The following UMAD1 variants were observed in gnomAD, a reference collection of about 807,000 sequenced individuals.
UMAD1 encodes the protein UBAP1-MVB12-associated (UMA)-domain containing protein 1.
In UMAD1, 8 loss-of-function variants were observed where a neutral mutation model predicts 6.1. That is an observed-to-expected ratio of 1.30 (90% CI 0.76 to 2.35). UMAD1 has a LOEUF of 2.35. Among genes scored for constraint, UMAD1 ranks in the 30% most tolerant of loss-of-function variants. The pLI is 0.00. For missense variants in UMAD1, 130 were observed against 78.4 expected, an observed-to-expected ratio of 1.66 and a Z score of -2.49; for synonymous variants, 56 against 31.4, an observed-to-expected ratio of 1.78 and a Z score of -2.61.
At chr7:7,742,669 A>G (rs982911368) in intron 2 of UMAD1, 1 of 270,626 alleles carries the variant, frequency 3.7e-6, no homozygotes, top group Non-Finnish European at 7.4e-6. Flanking sequence ...ATGATTGCCA[A>G]CTAAGAATAA....
chr7:7,753,648 C>A (rs1293361684), intron 2 of UMAD1, among the ~76,000 whole-genome samples: 1 of 152,052 alleles, frequency 6.6e-6, no homozygotes, highest in Non-Finnish European at 1.5e-5. Context: ...TGTATAAATA[C>A]CACGTTTTCT....
chr7:7,848,883 A>G (rs1314127757), intron 3 of UMAD1, among the ~76,000 whole-genome samples: 2 of 152,122 alleles, frequency 1.3e-5, no homozygotes, highest in African/African-American at 4.8e-5. Context: ...TACTTTCTCA[A>G]TTTGCAAGGA....
chr7:7,834,084 G>A (rs535569331), intron 3 of UMAD1, among the ~76,000 whole-genome samples: 17 of 141,744 alleles, frequency 1.2e-4, no homozygotes, highest in African/African-American at 3.8e-4. Flanking sequence ...GTGCAATGGC[G>A]TGATCTCAGC....
intron 3 of UMAD1, among the ~76,000 whole-genome samples, chr7:7,862,243 C>G (rs1162220341): frequency 1.3e-5 from 2 of 151,868 alleles, no homozygotes; most frequent in Non-Finnish European, 2.9e-5. Flanking sequence ...TTTATATTTT[C>G]TTACCAGGTT....
chr7:7,813,415 A>C (rs1167705106), intron 3 of UMAD1, among the ~76,000 whole-genome samples: 1 of 152,168 alleles, frequency 6.6e-6, no homozygotes, highest in African/African-American at 2.4e-5. Context: ...CGTATCGGCC[A>C]GGCTGGTCTC....
intron 3 of UMAD1, among the ~76,000 whole-genome samples, chr7:7,867,317 T>TG (rs1784251027): frequency 6.6e-6 from 1 of 152,160 alleles, no homozygotes; most frequent in Non-Finnish European, 1.5e-5. Context: ...ATATTACTTT[T>TG]GGGGGAGTGG....
chr7:7,705,335 C>T (rs1780570975), intron 2 of UMAD1, among the ~76,000 whole-genome samples: 1 of 152,154 alleles, frequency 6.6e-6, no homozygotes. Flanking sequence ...AATGTTTAAT[C>T]ATAATAACCA....
In UMAD1 at chr7:7,820,554, C is replaced by G. The variant is rs180791343; in HGVS notation, c.156+18811C>G. 6.7e-3 allele frequency among the ~76,000 whole-genome samples: 1,014 copies of G among 152,214 alleles called. 8 individuals are homozygous for G. Among genetic ancestry groups the G allele is most frequent in the African/African-American group, 0.023 (967 of 41,524 alleles). Reference sequence around the variant, plus strand: ...ATTGAATACTGGCACCTCTCTGTCACTTATGTTTTGCTAATGATCATCTAT... The same window carrying G: ...ATTGAATACTGGCACCTCTCTGTCAGTTATGTTTTGCTAATGATCATCTAT... On this transcript the variant is annotated intron_variant, in intron 3 of 3. Transcript: ENST00000682710.
intron 2 of UMAD1, among the ~76,000 whole-genome samples, chr7:7,737,245 T>G (rs927095362): frequency 2.6e-5 from 4 of 152,252 alleles, no homozygotes; most frequent in Non-Finnish European, 5.9e-5. Flanking sequence ...GGTGAGTTAA[T>G]TAACCTCTCT....
At chr7:7,757,513 A>G (rs917328998) in intron 2 of UMAD1, among the ~76,000 whole-genome samples, 1 of 152,224 alleles carries the variant, frequency 6.6e-6, no homozygotes, top group Non-Finnish European at 1.5e-5. Context: ...TAAGCTACCA[A>G]AGTAAAGCTA....
At chr7:7,668,446 T>C (rs968396791) in intron 1 of UMAD1, among the ~76,000 whole-genome samples, 3 of 152,186 alleles carry the variant, frequency 2.0e-5, no homozygotes, top group African/African-American at 4.8e-5. Flanking sequence ...TTTATTACTA[T>C]ATATTGTTAT....
intron 3 of UMAD1, among the ~76,000 whole-genome samples, chr7:7,819,367 T>G (rs1783198279): frequency 6.6e-6 from 1 of 152,218 alleles, no homozygotes; most frequent in African/African-American, 2.4e-5. Context: ...TTGTTTATAT[T>G]ACGCTGTATC....
chr7:7,655,169 G>A (rs1415023765), intron 1 of UMAD1, among the ~76,000 whole-genome samples: 2 of 152,074 alleles, frequency 1.3e-5, no homozygotes, highest in African/African-American at 2.4e-5. Flanking sequence ...ATCAAATGAT[G>A]CCTCTGGCCT....
chr7:7,817,427 T>C (rs1392725927), intron 3 of UMAD1, among the ~76,000 whole-genome samples: 2 of 152,242 alleles, frequency 1.3e-5, no homozygotes, highest in East Asian at 3.8e-4. Flanking sequence ...CTCTTAACCA[T>C]GAAAAGCTCT....
chr7:7,644,633 C>T (rs1482950106), intron 1 of UMAD1, among the ~76,000 whole-genome samples: 3 of 152,112 alleles, frequency 2.0e-5, no homozygotes, highest in Non-Finnish European at 4.4e-5. Context: ...ACTGTATCAC[C>T]TTTTTGCCAC....
intron 2 of UMAD1, chr7:7,736,470 A>G (rs1781362769): frequency 6.6e-6 from 1 of 152,438 alleles, no homozygotes; most frequent in Non-Finnish European, 1.5e-5. Context: ...TCTTATTTAG[A>G]TTACATTTAT....
chr7:7,827,147 A>ATATATG (rs1242634250), intron 3 of UMAD1, among the ~76,000 whole-genome samples: 3 of 134,150 alleles, frequency 2.2e-5, no homozygotes, highest in Non-Finnish European at 3.1e-5. Context: ...ATATATATAT[A>ATATATG]TGTGTGTGTG....
intron 1 of UMAD1, among the ~76,000 whole-genome samples, chr7:7,664,299 C>G (rs1779378886): frequency 6.6e-6 from 1 of 152,124 alleles, no homozygotes; most frequent in Admixed American, 6.5e-5. Context: ...TAATCCAGTC[C>G]CGTTTCAGTA....
intron 2 of UMAD1, among the ~76,000 whole-genome samples, chr7:7,795,749 G>A (rs1782663485): frequency 6.6e-6 from 1 of 152,184 alleles, no homozygotes; most frequent in Non-Finnish European, 1.5e-5. Context: ...CATGACGTTG[G>A]TGGGAGTATT....
Sources: gnomAD v4.1 joint callset for allele counts (sites outside exome capture counted in the v4.1 genomes callset) on GRCh38, gnomAD v4.1.1 for gene constraint, MANE v1.5 for transcripts, NCBI Gene and HGNC (gene_info 2026-07-23, HGNC 2026-07-21) for gene names.